Variants in DNAH14 observed in about 807,000 individuals in gnomAD.
DNAH14 encodes the protein dynein axonemal heavy chain 14.
In DNAH14, 478 loss-of-function variants were observed where a neutral mutation model predicts 520.9. That is an observed-to-expected ratio of 0.92 (90% CI 0.85 to 0.99). The LOEUF is 0.99. Among genes scored for constraint, DNAH14 ranks in the 50% least tolerant of loss-of-function variants. DNAH14 has a pLI of 0.00. For missense variants in DNAH14, 4,831 were observed against 5,234.5 expected, an observed-to-expected ratio of 0.92 and a Z score of 2.38; for synonymous variants, 1,581 against 1,757.2, an observed-to-expected ratio of 0.90 and a Z score of 2.51.
intron 43 of DNAH14, among the ~76,000 whole-genome samples, chr1:225,246,765 T>A (rs1323300185): frequency 1.3e-5 from 2 of 152,198 alleles, no homozygotes; most frequent in South Asian, 2.1e-4. Flanking sequence ...ATAGGAACGC[T>A]TTTACACTGT....
intron 84 of DNAH14, chr1:225,396,537 T>C (rs1161315083): frequency 6.6e-6 from 1 of 152,158 alleles, no homozygotes; most frequent in East Asian, 1.9e-4. Context: ...ACATAACCCA[T>C]TAGACATGAA....
intron 27 of DNAH14, among the ~76,000 whole-genome samples, chr1:225,127,899 G>T (rs1379539230): frequency 1.3e-5 from 2 of 152,090 alleles, no homozygotes; most frequent in Non-Finnish European, 2.9e-5. Flanking sequence ...TTTAGGGCAG[G>T]CCTGGTGGTG....
chr1:225,170,242 A>G (rs919220202), intron 36 of DNAH14, among the ~76,000 whole-genome samples: 2 of 152,200 alleles, frequency 1.3e-5, no homozygotes, highest in Non-Finnish European at 2.9e-5. Flanking sequence ...TAACATCATA[A>G]TAACAGCATC....
intron 23 of DNAH14, among the ~76,000 whole-genome samples, chr1:225,103,105 T>C (rs1400679916): frequency 6.6e-6 from 1 of 152,236 alleles, no homozygotes; most frequent in Non-Finnish European, 1.5e-5. Flanking sequence ...GCTTTCTACA[T>C]ATGGCTAGCC....
chr1:225,249,675 G>A (rs1348623807), intron 43 of DNAH14, among the ~76,000 whole-genome samples: 3 of 152,106 alleles, frequency 2.0e-5, no homozygotes, highest in Non-Finnish European at 4.4e-5. Flanking sequence ...TTACTGAGTG[G>A]TGCAACCATC....
intron 20 of DNAH14, among the ~76,000 whole-genome samples, chr1:225,084,117 C>T (rs1008837479): frequency 1.3e-5 from 2 of 151,998 alleles, no homozygotes; most frequent in Non-Finnish European, 2.9e-5. Flanking sequence ...TTTAGAGGTT[C>T]CCAATTAGGA....
intron 23 of DNAH14, 142 bp from the exon 24 acceptor site, chr1:225,117,542 G>T: frequency 2.0e-6 from 1 of 500,790 alleles, no homozygotes; most frequent in Non-Finnish European, 3.4e-6. Context: ...ATTAAGCATG[G>T]AATGTTATTT....
At chr1:225,249,233 C>T (rs2092440957) in intron 43 of DNAH14, among the ~76,000 whole-genome samples, 1 of 152,138 alleles carries the variant, frequency 6.6e-6, no homozygotes, top group African/African-American at 2.4e-5. Flanking sequence ...AATTCACTAA[C>T]CTGATCTTTT....
intron 43 of DNAH14, among the ~76,000 whole-genome samples, chr1:225,242,928 A>G (rs1257756864): frequency 6.6e-6 from 1 of 152,206 alleles, no homozygotes. Context: ...TAACATCATT[A>G]TATATCCAGT....
chr1:224,984,599 A>T (rs1284359174), intron 8 of DNAH14, among the ~76,000 whole-genome samples: 2 of 152,236 alleles, frequency 1.3e-5, no homozygotes, highest in Non-Finnish European at 2.9e-5. Flanking sequence ...AGCAGAGTAA[A>T]CAGACAATCC....
At chr1:225,133,201 G>T (rs981341712) in intron 27 of DNAH14, among the ~76,000 whole-genome samples, 1 of 151,804 alleles carries the variant, frequency 6.6e-6, no homozygotes, top group Non-Finnish European at 1.5e-5. Flanking sequence ...AGTTTCTTTT[G>T]CTGTGCTGTG....
chr1:225,284,935 A>AT (rs577710803), intron 54 of DNAH14, among the ~76,000 whole-genome samples: 4 of 151,338 alleles, frequency 2.6e-5, no homozygotes, highest in South Asian at 2.1e-4. Context: ...ATCCAACACC[A>AT]TTTTTTTTTA....
In DNAH14 at chr1:225,322,804, A is replaced by C; in HGVS notation, c.9476A>C (p.Lys3159Thr). 1 of 1,551,252 alleles carries C rather than the reference A, an allele frequency of 6.4e-7. No homozygotes were observed. The highest frequency in any genetic ancestry group is 8.7e-7 in the Non-Finnish European group (1 of 1,146,396). The stretch of plus-strand genomic sequence containing the variant: ...CTGAAAAAATTGATTAACCTTGACA[A>C]GGACAGCATACCTGATAAGGTAAAA... ...GFLKKLINLDKDSIPDKVFVK... is the reference protein window; with the variant it reads ...GFLKKLINLDTDSIPDKVFVK... The change falls in exon 62 of 86, where the codon AAG (lysine) becomes ACG (threonine). Residue 3159 changes from lysine to threonine, a missense_variant. Coordinates refer to ENST00000682510, the MANE Select transcript of DNAH14 (RefSeq NM_001367479.1).
At position 225,185,368 on chromosome 1, in the gene DNAH14, A is replaced by G; in HGVS notation, c.5613A>G (p.Leu1871=). ...TTVRRILEKA[L]TLLPIADFLS... ...TCAGAAGAATTTTGGAAAAAGCATTAACGCTATTACCAATTGCAGACTTCT... is the reference window on the plus strand; with the variant it reads ...TCAGAAGAATTTTGGAAAAAGCATTGACGCTATTACCAATTGCAGACTTCT... The change falls in exon 37 of 86, where the codon TTA becomes TTG. Residue 1871 remains leucine (L), a synonymous_variant. Coordinates refer to ENST00000682510, the MANE Select transcript of DNAH14 (RefSeq NM_001367479.1). 1 of 1,547,836 alleles carries G rather than the reference A, an allele frequency of 6.5e-7. No individual in the cohort carries two copies. Among genetic ancestry groups the G allele is most frequent in the African/African-American group, 1.4e-5 (1 of 72,934 alleles).
chr1:225,085,969 TGTTCATGAGAAAATGTCAAA>T (rs2073723433), intron 21 of DNAH14, among the ~76,000 whole-genome samples, 180 bp downstream of exon 21: 1 of 152,028 alleles, frequency 6.6e-6, no homozygotes, highest in Non-Finnish European at 1.5e-5. Flanking sequence ...AAGCCTTAAT[TGTTCATGAGAAAATGTCAAA>T]GTTTAATTTT....
At chr1:224,939,435 C>G (rs149560066) in intron 1 of DNAH14, among the ~76,000 whole-genome samples, 3,755 of 152,182 alleles carry the variant, frequency 0.025, 122 homozygotes, top group African/African-American at 0.077. Flanking sequence ...CTTTGGGATG[C>G]CCAGGTGGGT....
chr1:225,396,187 G>C (rs2096008951), intron 84 of DNAH14: 1 of 152,062 alleles, frequency 6.6e-6, no homozygotes, highest in Admixed American at 6.5e-5. Flanking sequence ...GTATTGACGT[G>C]GAAGAAAGCT....
rs1268453242 is a variant in DNAH14 at position 224,929,731 on chromosome 1, C to T, written c.-138C>T. Reference sequence around the variant, plus strand: ...CCTGGCGTGGTAGGGCTGTGCTGCGCGGTCCTTCCCATTCACCCTAGTCTG... The same window carrying T: ...CCTGGCGTGGTAGGGCTGTGCTGCGTGGTCCTTCCCATTCACCCTAGTCTG... On this transcript the variant is annotated 5_prime_UTR_variant, in exon 1 of 86. Transcript: ENST00000682510. 2 of 702,390 alleles carry T rather than the reference C, an allele frequency of 2.8e-6. No individual in the cohort carries two copies. Among genetic ancestry groups the T allele is most frequent in the Non-Finnish European group, 5.2e-6 (2 of 384,844 alleles). The allele number at this position is 702,390 out of a possible 1,614,324, so 43.5% of individuals were successfully genotyped here.
intron 46 of DNAH14, among the ~76,000 whole-genome samples, chr1:225,260,985 G>A (rs1279926095): frequency 2.6e-5 from 4 of 152,056 alleles, no homozygotes; most frequent in African/African-American, 4.8e-5. Flanking sequence ...TTTGTATGTT[G>A]AGTTTGTATA....
Sources: allele counts gnomAD v4.1 joint callset (sites outside exome capture counted in the v4.1 genomes callset), GRCh38; gene constraint gnomAD v4.1.1; transcripts MANE v1.5; gene names NCBI Gene and HGNC (gene_info 2026-07-23, HGNC 2026-07-21).